PPP2R2C: variants seen among roughly 807,000 people sequenced by gnomAD.
PPP2R2C encodes the protein protein phosphatase 2 regulatory subunit Bgamma.
In PPP2R2C, 10 loss-of-function variants were observed where a neutral mutation model predicts 45.3. The observed-to-expected ratio is 0.22, with a 90% CI of 0.14 to 0.37. The LOEUF (loss-of-function observed/expected upper bound fraction) is 0.37. Among genes scored for constraint, PPP2R2C ranks in the 10% least tolerant of loss-of-function variants. The pLI is 1.00. For missense variants in PPP2R2C, 308 were observed against 619.7 expected (o/e 0.50, Z 5.34); for synonymous variants, 257 against 245.4 (o/e 1.05, Z -0.44).
chr4:6,333,810 C>T, intron 6 of PPP2R2C, 79 bp from the exon 7 acceptor site: 1 of 1,467,116 alleles, frequency 6.8e-7, no homozygotes, highest in African/African-American at 1.4e-5. Flanking sequence ...CTCTGTTTTG[C>T]ACCTGGGCCC....
At chr4:6,546,870 G>A (rs1292581472) in intron 1 of PPP2R2C, among the ~76,000 whole-genome samples, 4 of 152,134 alleles carry the variant, frequency 2.6e-5, no homozygotes, top group East Asian at 1.9e-4. Flanking sequence ...GGGTCAGCCC[G>A]GAATCTTTGG....
Position 6,378,544 on chromosome 4 carries a change from T to C in PPP2R2C, c.197A>G (p.Glu66Gly). ...CTGGAAAGTGCTGTACACGTCGTATTCGCCCTGGCTGTGGGGCGCATTTTT... is the reference window on the plus strand; with the variant it reads ...CTGGAAAGTGCTGTACACGTCGTATCCGCCCTGGCTGTGGGGCGCATTTTT... ...ESKNAPHSQGEYDVYSTFQSH... is the reference protein window; with the variant it reads ...ESKNAPHSQGGYDVYSTFQSH... The change falls in exon 3 of 9, where the codon GAA (glutamate) becomes GGA (glycine). Residue 66 changes from glutamate to glycine, a missense_variant. Transcript: ENST00000382599. This position sits in a 1 kb window ranked among gnomAD's most constrained non-coding sequence, Gnocchi z 5.2. 1.9e-6 allele frequency: 3 copies of C among 1,613,950 alleles called. No homozygotes were observed. Among genetic ancestry groups the C allele is most frequent in the Non-Finnish European group, 2.5e-6 (3 of 1,179,938 alleles).
intron 1 of PPP2R2C, 126 bp downstream of exon 1, chr4:6,472,009 ATGGGGTGGGGTGGGGTGGGATGGGG>A (rs1463928138): frequency 1.5e-4 from 112 of 737,466 alleles, no homozygotes; most frequent in Non-Finnish European, 2.0e-4. Flanking sequence ...GTGGGATGGG[ATGGGGTGGGGTGGGGTGGGATGGGG>A]TGGGGTGGGG....
intron 1 of PPP2R2C, chr4:6,381,442 A>G (rs1162850177): frequency 1.4e-6 from 2 of 1,386,220 alleles, no homozygotes; most frequent in Non-Finnish European, 9.4e-7. Context: ...CCTGTCTTGA[A>G]TCTCCCACAC....
At chr4:6,376,663 AG>A (rs1169004000) in intron 3 of PPP2R2C, among the ~76,000 whole-genome samples, 2 of 152,290 alleles carry the variant, frequency 1.3e-5, no homozygotes, top group African/African-American at 4.8e-5. Flanking sequence ...CACGTTGCCC[AG>A]GCTGGTCTCA....
At chr4:6,346,147 T>C (rs976139754) in intron 6 of PPP2R2C, among the ~76,000 whole-genome samples, 13 of 151,824 alleles carry the variant, frequency 8.6e-5, no homozygotes, top group African/African-American at 1.9e-4. Context: ...CTCAGTGGGG[T>C]CACCATTTCT....
rs1048856121 is a variant in PPP2R2C, at chr4:6,368,250, C to A, written c.625+4273G>T. Among the ~76,000 whole-genome samples, 6 of 152,186 alleles carry A rather than the reference C, an allele frequency of 3.9e-5. No individual in the cohort carries two copies. The highest frequency in any genetic ancestry group is 8.8e-5 in the Non-Finnish European group (6 of 68,038). On this transcript the variant is annotated intron_variant, in intron 5 of 8. Transcript: ENST00000382599. This position sits in a 1 kb window ranked among gnomAD's most constrained non-coding sequence, Gnocchi z 4.2. ...GGCAAAAACCACACCCCTGGCTTAC[C>A]CTCCACCGACCTGAGGCCTGCAGCC...
At chr4:6,447,460 C>A (rs1720485350) in intron 1 of PPP2R2C, among the ~76,000 whole-genome samples, 1 of 152,122 alleles carries the variant, frequency 6.6e-6, no homozygotes, top group Non-Finnish European at 1.5e-5. Context: ...CTCACTGACA[C>A]CCAGAATGTT....
intron 1 of PPP2R2C, among the ~76,000 whole-genome samples, chr4:6,399,768 T>C (rs1378296536): frequency 6.6e-6 from 1 of 151,884 alleles, no homozygotes; most frequent in East Asian, 1.9e-4. Context: ...GCATTAGGGG[T>C]TCAGGTGAGC....
In PPP2R2C at chr4:6,518,968, A is replaced by G. The variant is rs115934807; in HGVS notation, c.49+16303T>C. Among the ~76,000 whole-genome samples the G allele has an allele frequency of 6.1e-3, 928 of 151,470 alleles. 11 individuals are homozygous for G. The highest frequency in any genetic ancestry group is 0.021 in the African/African-American group (881 of 41,198). On this transcript the variant is annotated intron_variant, in intron 2 of 9. Transcript: ENST00000506140. Reference sequence around the variant, plus strand: ...AAAAAAAAAAAGAATAGAAAAGAAAAGAGAAAAAGAAATGGAACCAACAAT... The same window carrying G: ...AAAAAAAAAAAGAATAGAAAAGAAAGGAGAAAAAGAAATGGAACCAACAAT...
intron 2 of PPP2R2C, among the ~76,000 whole-genome samples, chr4:6,496,683 GA>G (rs1722889494): frequency 6.6e-6 from 1 of 152,210 alleles, no homozygotes; most frequent in East Asian, 1.9e-4. Context: ...CCAACATGGT[GA>G]AACCCTATCT....
rs540296306 is a variant in PPP2R2C at position 6,522,039 on chromosome 4, G to A, written c.49+13232C>T. ...GGGGCCACTGAGCTCTGGGAACAGA[G>A]AAGTGTTGTTTCCAAACCTCACCCG... On this transcript the variant is annotated intron_variant, in intron 2 of 9. Transcript: ENST00000506140. Among the ~76,000 whole-genome samples the A allele has an allele frequency of 7.9e-4, 120 of 152,268 alleles. No individual in the cohort carries two copies. In the Middle Eastern group the frequency reaches 0.014, roughly 17 times the overall value.
intron 4 of PPP2R2C, among the ~76,000 whole-genome samples, 180 bp from the exon 5 acceptor site, chr4:6,372,880 G>T (rs1200806130): frequency 6.6e-6 from 1 of 152,242 alleles, no homozygotes; most frequent in African/African-American, 2.4e-5. Context: ...CACCAGCCCT[G>T]CAAGAGAGGC....
intron 2 of PPP2R2C, chr4:6,523,605 C>T (rs7676415): frequency 0.13 from 20,397 of 152,200 alleles, 1,961 homozygotes; most frequent in African/African-American, 0.26. Context: ...GGGACCTGCA[C>T]ACACTGCTGG....
intron 1 of PPP2R2C, among the ~76,000 whole-genome samples, chr4:6,417,949 T>C (rs932312327): frequency 6.6e-6 from 1 of 151,224 alleles, no homozygotes; most frequent in Non-Finnish European, 1.5e-5. Context: ...CTGGCAGATG[T>C]GGCCTGACCC....
intron 2 of PPP2R2C, among the ~76,000 whole-genome samples, chr4:6,533,542 T>C (rs901909919): frequency 6.6e-6 from 1 of 152,196 alleles, no homozygotes; most frequent in Non-Finnish European, 1.5e-5. Context: ...TGGCCGGCAC[T>C]GGGCCTAAGG....
At chr4:6,538,526 C>T (rs1724705281) in intron 1 of PPP2R2C, among the ~76,000 whole-genome samples, 1 of 144,926 alleles carries the variant, frequency 6.9e-6, no homozygotes, top group South Asian at 2.2e-4. Flanking sequence ...CAATCCCCTG[C>T]TATTTTCACT....
intron 2 of PPP2R2C, among the ~76,000 whole-genome samples, chr4:6,526,288 G>C (rs1724208095): frequency 6.6e-6 from 1 of 152,200 alleles, no homozygotes. Flanking sequence ...TCCCTTCCTG[G>C]AAATGCCTGC....
intron 1 of PPP2R2C, among the ~76,000 whole-genome samples, chr4:6,433,715 C>A (rs1719745066): frequency 6.6e-6 from 1 of 152,216 alleles, no homozygotes; most frequent in Admixed American, 6.5e-5. Flanking sequence ...TGTCCTCATT[C>A]TTTCCCTTGA....
Sources: gnomAD v4.1 joint callset for allele counts (sites outside exome capture counted in the v4.1 genomes callset) on GRCh38, gnomAD v4.1.1 for gene constraint, Gnocchi (gnomAD v3.1) non-coding constraint, MANE v1.5 for transcripts, NCBI Gene and HGNC (gene_info 2026-07-23, HGNC 2026-07-21) for gene names.